The following DTX4 variants were observed in gnomAD, a reference collection of about 807,000 sequenced individuals.
DTX4 encodes E3 ubiquitin-protein ligase DTX4.
DTX4 carries 28 observed loss-of-function variants against 57.6 expected under a neutral mutation model. The ratio of observed to expected loss-of-function variants is 0.49; its 90% CI spans 0.36 to 0.67. The LOEUF is 0.67. DTX4 is among the 30% of genes least tolerant of loss of function. The pLI, the probability that DTX4 is intolerant of heterozygous loss-of-function variation, is 0.00. For synonymous variants in DTX4, 316 were observed against 331.0 expected (o/e 0.95, Z 0.49); for missense variants, 715 against 836.8 (o/e 0.85, Z 1.80).
chr11:59,182,530 G>C (rs1862480549), intron 2 of DTX4, 68 bp downstream of exon 2: 1 of 1,463,612 alleles, frequency 6.8e-7, no homozygotes, highest in Admixed American at 2.5e-5. Flanking sequence ...AGATCTTCTG[G>C]ATCAGAAGGA....
At chr11:59,183,152 GA>G (rs1340680283) in intron 2 of DTX4, among the ~76,000 whole-genome samples, 2 of 152,084 alleles carry the variant, frequency 1.3e-5, no homozygotes, top group Non-Finnish European at 2.9e-5. Context: ...CAGACTTTAG[GA>G]CATCTGACAC....
intron 7 of DTX4, among the ~76,000 whole-genome samples, chr11:59,199,281 G>A (rs973229324): frequency 3.9e-5 from 6 of 152,212 alleles, no homozygotes; most frequent in Non-Finnish European, 7.3e-5. Flanking sequence ...CTGCACTGCA[G>A]ATTTCTTCTT....
intron 1 of DTX4, among the ~76,000 whole-genome samples, chr11:59,173,127 T>G (rs1231601923): frequency 6.6e-6 from 1 of 152,132 alleles, no homozygotes; most frequent in African/African-American, 2.4e-5. Flanking sequence ...ATGTAGAAAT[T>G]CTAGGGCCGC....
At position 59,172,715 on chromosome 11, in the gene DTX4, G is replaced by T. The variant is rs762945129; in HGVS notation, c.120G>T (p.Ala40=). 19 of 1,602,018 alleles carry T rather than the reference G, an allele frequency of 1.2e-5. No individual in the cohort carries two copies. The highest frequency in any genetic ancestry group is 2.3e-5 in the East Asian group (1 of 44,354). The change falls in exon 1 of 9, where the codon GCG becomes GCT. Residue 40 remains alanine (A), a synonymous_variant. Coordinates refer to ENST00000227451, the MANE Select transcript of DTX4 (RefSeq NM_015177.2). ...IEAVVRAGPR[A]GGSVVLGQVD... ...CGGTGGTCCGCGCCGGCCCCCGCGCGGGGGGCAGCGTGGTGCTGGGCCAGG... is the reference window on the plus strand; with the variant it reads ...CGGTGGTCCGCGCCGGCCCCCGCGCTGGGGGCAGCGTGGTGCTGGGCCAGG...
At chr11:59,174,461 G>A (rs1862370500) in intron 1 of DTX4, among the ~76,000 whole-genome samples, 2 of 130,882 alleles carry the variant, frequency 1.5e-5, no homozygotes, top group East Asian at 2.5e-4. Flanking sequence ...GAGAGAGAGA[G>A]ACCAGCAGTT....
intron 1 of DTX4, among the ~76,000 whole-genome samples, chr11:59,173,082 C>T (rs911612768): frequency 6.6e-6 from 1 of 152,216 alleles, no homozygotes; most frequent in African/African-American, 2.4e-5. Context: ...TTTCATGCCC[C>T]CGCTTTTCAG....
At chr11:59,182,824 G>C (rs1018435425) in intron 2 of DTX4, among the ~76,000 whole-genome samples, 3 of 152,304 alleles carry the variant, frequency 2.0e-5, no homozygotes, top group Admixed American at 2.0e-4. Context: ...GTTCATACCT[G>C]TAATCCCAGC....
At position 59,205,964 on chromosome 11, in the gene DTX4, C is replaced by G. The variant is rs1590992752; in HGVS notation, c.*1055C>G. 2 of 152,612 alleles carry G rather than the reference C, an allele frequency of 1.3e-5. No individual in the cohort carries two copies. The highest frequency in any genetic ancestry group is 1.9e-4 in the East Asian group (1 of 5,186). 9.5% of individuals were successfully genotyped at this position (152,612 alleles called of 1,614,324 possible). ...GGGCTCCAACAGCCAGGCTGTGGTC[C>G]TTTGACGTTCCTCACCTGTTGCCAA... On this transcript the variant is annotated 3_prime_UTR_variant, in exon 9 of 9. Transcript: ENST00000227451.
Position 59,192,244 on chromosome 11 carries a change from G to T in DTX4, c.1368G>T (p.Gly456=). ...IYCLVAMYNN[G]NKDGSLQCPT... Reference sequence around the variant, plus strand: ...GCTTGGTTGCCATGTACAACAATGGGAACAAGGTCAGTGCCAGCCTATGGG... The same window carrying T: ...GCTTGGTTGCCATGTACAACAATGGTAACAAGGTCAGTGCCAGCCTATGGG... The change falls in exon 6 of 9, where the codon GGG becomes GGT. Residue 456 remains glycine, a synonymous_variant. Coordinates refer to ENST00000227451, the MANE Select transcript of DTX4 (RefSeq NM_015177.2). The T allele has an allele frequency of 6.2e-7, 1 of 1,613,990 alleles. No individual in the cohort carries two copies. Among genetic ancestry groups the T allele is most frequent in the South Asian group, 1.1e-5 (1 of 91,072 alleles).
chr11:59,172,499 T>A lies in DTX4; in HGVS notation c.-97T>A. On this transcript the variant is annotated 5_prime_UTR_variant, in exon 1 of 9. Coordinates refer to ENST00000227451, the MANE Select transcript of DTX4 (RefSeq NM_015177.2). ...GCGGGGCGCGGGGCAGGGGGCGCGG[T>A]CGAGGCCCGGAGGCGGCGGCGCAGG... 1 of 733,194 alleles carries A rather than the reference T, an allele frequency of 1.4e-6. No homozygotes were observed. The highest frequency in any genetic ancestry group is 1.8e-6 in the Non-Finnish European group (1 of 558,566). 45.4% of individuals were successfully genotyped at this position (733,194 alleles called of 1,614,324 possible). A position where few individuals can be genotyped will look rare whatever the true frequency, so the allele number is the denominator to read the frequency against.
intron 1 of DTX4, among the ~76,000 whole-genome samples, chr11:59,175,420 A>G (rs561249817): frequency 6.6e-6 from 1 of 152,264 alleles, no homozygotes; most frequent in South Asian, 2.1e-4. Flanking sequence ...GACCTCATCC[A>G]GCCTGTCTCC....
chr11:59,195,104 T>C lies in DTX4; in HGVS notation c.1375-104T>C, dbSNP rs1205252686. ...AAGATCTATCACTCACCAGGGTGCATTTTGTTCCCCTGGCCCTTCATCTCT... is the reference window on the plus strand; with the variant it reads ...AAGATCTATCACTCACCAGGGTGCACTTTGTTCCCCTGGCCCTTCATCTCT... On this transcript the variant is annotated intron_variant, in intron 6 of 8. Transcript: ENST00000227451. The C allele has an allele frequency of 4.9e-6, 6 of 1,222,128 alleles. No individual in the cohort carries two copies. The Admixed American group carries it at 8.6e-5, about 18-fold the overall frequency. 75.7% of individuals were successfully genotyped at this position (1,222,128 alleles called of 1,614,324 possible).
intron 1 of DTX4, among the ~76,000 whole-genome samples, chr11:59,173,132 G>T (rs1412496403): frequency 6.6e-6 from 1 of 152,062 alleles, no homozygotes; most frequent in East Asian, 1.9e-4. Context: ...GAAATTCTAG[G>T]GCCGCCCCAG....
intron 7 of DTX4, among the ~76,000 whole-genome samples, chr11:59,198,213 G>A (rs1476058748): frequency 2.6e-5 from 4 of 152,156 alleles, no homozygotes; most frequent in East Asian, 3.9e-4. Context: ...ACTTAGCAAC[G>A]AGCTGGGAGG....
Position 59,182,289 on chromosome 11 carries a change from A to T in DTX4, c.762A>T (p.Pro254=). Residue 254 remains proline, a synonymous_variant, in exon 2 of 9, where the codon CCA becomes CCT. Transcript: ENST00000227451. Reference sequence around the variant, plus strand: ...TTCGAGGCCCACTGAAGACCGCCCCATCGCAGGTGATCCGGAGACAAGCCT... The same window carrying T: ...TTCGAGGCCCACTGAAGACCGCCCCTTCGCAGGTGATCCGGAGACAAGCCT... ...GTIRGPLKTA[P]SQVIRRQASS... 1 of 1,612,370 alleles carries T rather than the reference A, an allele frequency of 6.2e-7. No homozygotes were observed. The highest frequency in any genetic ancestry group is 8.5e-7 in the Non-Finnish European group (1 of 1,179,804).
intron 2 of DTX4, among the ~76,000 whole-genome samples, chr11:59,188,020 G>A (rs1460273288): frequency 1.3e-5 from 2 of 152,200 alleles, no homozygotes; most frequent in Admixed American, 6.5e-5. Context: ...TCTGGATCTG[G>A]GACCTTGTCC....
chr11:59,201,983 C>T, intron 8 of DTX4, among the ~76,000 whole-genome samples: 1 of 152,232 alleles, frequency 6.6e-6, no homozygotes, highest in East Asian at 1.9e-4. Flanking sequence ...TCACTGCCTT[C>T]CAAACCACTA....
intron 8 of DTX4, among the ~76,000 whole-genome samples, chr11:59,203,299 A>G (rs115255885): frequency 0.019 from 2,866 of 152,354 alleles, 107 homozygotes; most frequent in African/African-American, 0.064. Flanking sequence ...TTGTAACAAC[A>G]CAGCTTAAAA....
chr11:59,191,967 A>G, intron 5 of DTX4, 131 bp from the exon 6 acceptor site: 1 of 980,998 alleles, frequency 1.0e-6, no homozygotes, highest in Non-Finnish European at 1.5e-6. Context: ...TCCAGAAAGC[A>G]CTTACACCCT....
Sources: allele counts gnomAD v4.1 joint callset (sites outside exome capture counted in the v4.1 genomes callset), GRCh38; gene constraint gnomAD v4.1.1; transcripts MANE v1.5; gene names NCBI Gene and HGNC (gene_info 2026-07-23, HGNC 2026-07-21).